GREB1L: variants seen among roughly 807,000 people sequenced by gnomAD.
GREB1L encodes GREB1 like retinoic acid receptor coactivator, also known as GREB1-like protein.
In GREB1L, 17 loss-of-function variants were observed where a neutral mutation model predicts 200.8. The ratio of observed to expected loss-of-function variants is 0.08; its 90% CI spans 0.06 to 0.13. The LOEUF (loss-of-function observed/expected upper bound fraction) is 0.13. Among genes scored for constraint, GREB1L ranks in the 10% least tolerant of loss-of-function variants. GREB1L has a pLI of 1.00. For missense variants in GREB1L, 1,657 were observed against 2,367.7 expected, an observed-to-expected ratio of 0.70 and a Z score of 6.23; for synonymous variants, 789 against 893.0, an observed-to-expected ratio of 0.88 and a Z score of 2.08.
intron 2 of GREB1L, among the ~76,000 whole-genome samples, chr18:21,370,406 T>G (rs1264497449): frequency 6.6e-6 from 1 of 152,184 alleles, no homozygotes; most frequent in Non-Finnish European, 1.5e-5. Flanking sequence ...AAATATGTAA[T>G]AGTTTAATAT....
At chr18:21,344,059 G>A (rs2039307821) in intron 1 of GREB1L, among the ~76,000 whole-genome samples, 1 of 152,136 alleles carries the variant, frequency 6.6e-6, no homozygotes, top group Non-Finnish European at 1.5e-5. Flanking sequence ...ACAGGCATGA[G>A]CCACCATGCC....
In GREB1L at chr18:21,522,697, T is replaced by C. The variant is rs1428845152; in HGVS notation, c.5648T>C (p.Leu1883Ser). The change falls in exon 33 of 33, where the codon TTG (leucine) becomes TCG (serine). Residue 1883 changes from leucine (L) to serine (S), a missense_variant. Leu to Ser is a moderately radical substitution (Grantham distance 145, BLOSUM62 -2). Coordinates refer to ENST00000424526, the MANE Select transcript of GREB1L (RefSeq NM_001142966.3). ...LCVICQDRSS[L>S]RQTIVRLELE... is the part of the protein sequence containing the mutation. Reference sequence around the variant, plus strand: ...GTCATCTGCCAAGACAGAAGTTCCTTGCGCCAAACAATTGTCCGCTTAGAG... The same window carrying C: ...GTCATCTGCCAAGACAGAAGTTCCTCGCGCCAAACAATTGTCCGCTTAGAG... The C allele has an allele frequency of 1.3e-6, 2 of 1,551,592 alleles. No individual in the cohort carries two copies. The highest frequency in any genetic ancestry group is 8.7e-7 in the Non-Finnish European group (1 of 1,147,002).
intron 15 of GREB1L, 53 bp from the exon 16 acceptor site, chr18:21,472,978 G>GTT (rs1169621231): frequency 5.6e-6 from 7 of 1,239,508 alleles, no homozygotes; most frequent in Non-Finnish European, 7.8e-6. Context: ...TCTCCTGTGT[G>GTT]TGTGTGTATG....
At chr18:21,324,636 C>T (rs1253735719) in intron 1 of GREB1L, among the ~76,000 whole-genome samples, 1 of 152,122 alleles carries the variant, frequency 6.6e-6, no homozygotes, top group African/African-American at 2.4e-5. Flanking sequence ...CGGTGAAACC[C>T]CGTCTCTACT....
intron 1 of GREB1L, among the ~76,000 whole-genome samples, chr18:21,311,789 TATAC>T (rs2038794548): frequency 6.6e-6 from 1 of 152,118 alleles, no homozygotes; most frequent in Non-Finnish European, 1.5e-5. Context: ...TGTGGAAATG[TATAC>T]ATTTTTTCTG....
At chr18:21,371,346 G>C (rs1396585279) in intron 2 of GREB1L, among the ~76,000 whole-genome samples, 2 of 152,012 alleles carry the variant, frequency 1.3e-5, no homozygotes, top group Non-Finnish European at 2.9e-5. Context: ...GCAGCCTTTG[G>C]AACTTTTACA....
intron 1 of GREB1L, among the ~76,000 whole-genome samples, chr18:21,304,757 G>C (rs2038673296): frequency 6.6e-6 from 1 of 152,088 alleles, no homozygotes; most frequent in Non-Finnish European, 1.5e-5. Context: ...TGAGCAGCTT[G>C]GTATTGTCAA....
intron 6 of GREB1L, chr18:21,401,855 A>G (rs1440725464): frequency 6.6e-6 from 1 of 152,430 alleles, no homozygotes; most frequent in East Asian, 1.9e-4. Context: ...GAAACTTCAC[A>G]TCTTCATGTG....
At chr18:21,318,120 A>AAAAAC (rs2038900128) in intron 1 of GREB1L, among the ~76,000 whole-genome samples, 1 of 151,616 alleles carries the variant, frequency 6.6e-6, no homozygotes, top group East Asian at 1.9e-4. Context: ...AAAAAAAAAA[A>AAAAAC]AAAAACAAAG....
intron 1 of GREB1L, among the ~76,000 whole-genome samples, chr18:21,307,975 C>T (rs1356662643): frequency 2.6e-5 from 4 of 152,138 alleles, no homozygotes; most frequent in South Asian, 2.1e-4. Flanking sequence ...TTTAGTACCC[C>T]GATACCATGT....
intron 11 of GREB1L, 125 bp downstream of exon 11, chr18:21,444,534 TTTCCC>T: frequency 3.8e-6 from 3 of 785,536 alleles, no homozygotes; most frequent in Non-Finnish European, 6.1e-6. Flanking sequence ...TCTAATGTTC[TTTCCC>T]TTCAACCCCA....
chr18:21,473,167 AC>A lies in GREB1L; in HGVS notation c.2320del (p.Leu774CysfsTer4). 6.5e-7 allele frequency: 1 copy of A among 1,548,178 alleles called. No individual in the cohort carries two copies. The highest frequency in any genetic ancestry group is 8.7e-7 in the Non-Finnish European group (1 of 1,145,270). On this transcript the variant is annotated frameshift_variant, in exon 16 of 33. Coordinates refer to ENST00000424526, the MANE Select transcript of GREB1L (RefSeq NM_001142966.3). LOFTEE classifies it high-confidence loss of function. Reference protein sequence around the residue: ...MRRVKQNPYTLFVLVHDNSHV... With the variant: ...MRRVKQNPYTXFVLVHDNSHV... Reference sequence around the variant, plus strand: ...GGAGAGTGAAACAGAACCCGTACACACTGTTTGTGCTAGTTCATGACAACTC... The same window carrying A: ...GGAGAGTGAAACAGAACCCGTACACATGTTTGTGCTAGTTCATGACAACTC...
At chr18:21,496,991 C>T (rs2036571548) in intron 21 of GREB1L, among the ~76,000 whole-genome samples, 1 of 152,206 alleles carries the variant, frequency 6.6e-6, no homozygotes, top group Admixed American at 6.5e-5. Flanking sequence ...TACCCTTAAT[C>T]TTCTCATGGT....
intron 30 of GREB1L, among the ~76,000 whole-genome samples, chr18:21,517,801 G>A (rs1026015822): frequency 2.6e-5 from 4 of 152,152 alleles, no homozygotes; most frequent in Non-Finnish European, 5.9e-5. Flanking sequence ...GTAACTTTCA[G>A]AGAAGCCTGC....
At position 21,395,287 on chromosome 18, in the gene GREB1L, G is replaced by A. The variant is rs1228243805; in HGVS notation, c.356-98G>A. 9 of 966,136 alleles carry A rather than the reference G, an allele frequency of 9.3e-6. No individual in the cohort carries two copies. The East Asian group carries it at 2.4e-4, about 25-fold the overall frequency. The allele number at this position is 966,136 out of a possible 1,614,324, so 59.8% of individuals were successfully genotyped here. ...AGGGACTTTAATTTAGTCTGTAATAGTGATTCTCAAAAATAAATCTACTCT... is the reference window on the plus strand; with the variant it reads ...AGGGACTTTAATTTAGTCTGTAATAATGATTCTCAAAAATAAATCTACTCT... On this transcript the variant is annotated intron_variant, in intron 4 of 32. Transcript: ENST00000424526.
At chr18:21,322,255 A>T (rs1050153420) in intron 1 of GREB1L, among the ~76,000 whole-genome samples, 1 of 152,212 alleles carries the variant, frequency 6.6e-6, no homozygotes, top group Non-Finnish European at 1.5e-5. Flanking sequence ...AAAACAAAAA[A>T]GCTGGTATTA....
At chr18:21,321,774 A>G (rs893555092) in intron 1 of GREB1L, among the ~76,000 whole-genome samples, 2 of 152,234 alleles carry the variant, frequency 1.3e-5, no homozygotes, top group Admixed American at 6.5e-5. Context: ...TAATTTGTGC[A>G]TTAATGGAAA....
chr18:21,369,745 T>C (rs2039801912), intron 2 of GREB1L, among the ~76,000 whole-genome samples: 1 of 151,850 alleles, frequency 6.6e-6, no homozygotes, highest in Non-Finnish European at 1.5e-5. Flanking sequence ...AAAAATAAAT[T>C]TGTCCAGCCT....
At chr18:21,366,887 G>A (rs2039699728) in intron 2 of GREB1L, among the ~76,000 whole-genome samples, 2 of 152,118 alleles carry the variant, frequency 1.3e-5, no homozygotes, top group Non-Finnish European at 2.9e-5. Context: ...TTCCTTCATG[G>A]TGACCACGCA....
Sources: gnomAD v4.1 joint callset for allele counts (sites outside exome capture counted in the v4.1 genomes callset) on GRCh38, gnomAD v4.1.1 for gene constraint, MANE v1.5 for transcripts, NCBI Gene and HGNC (gene_info 2026-07-23, HGNC 2026-07-21) for gene names.